Variants in LTBP1 observed in about 807,000 individuals in gnomAD.
LTBP1 encodes the protein latent transforming growth factor beta binding protein 1, also known as latent-transforming growth factor beta-binding protein 1.
A neutral mutation model predicts 207.6 loss-of-function variants in LTBP1; 129 were observed. The observed-to-expected ratio is 0.62, with a 90% CI of 0.54 to 0.72. The LOEUF (loss-of-function observed/expected upper bound fraction) is 0.72. Ranked by LOEUF, LTBP1 falls within the 30% of genes least tolerant of loss-of-function variation. LTBP1 has a pLI of 0.00. For missense variants in LTBP1, 2,281 were observed against 2,217.2 expected (o/e 1.03, Z -0.58); for synonymous variants, 963 against 833.7 (o/e 1.16, Z -2.67).
chr2:33,115,524 A>G (rs1223512317), intron 4 of LTBP1, among the ~76,000 whole-genome samples: 2 of 152,204 alleles, frequency 1.3e-5, no homozygotes, highest in South Asian at 2.1e-4. Flanking sequence ...AATTTAAAAT[A>G]ACAAATATTT....
intron 2 of LTBP1, among the ~76,000 whole-genome samples, chr2:33,009,387 G>A (rs750622564): frequency 1.3e-5 from 2 of 152,174 alleles, no homozygotes; most frequent in Admixed American, 1.3e-4. Flanking sequence ...AGCTTCTTTG[G>A]ACATAGGGTC....
At chr2:33,065,759 A>C (rs944944020) in intron 3 of LTBP1, among the ~76,000 whole-genome samples, 5 of 152,174 alleles carry the variant, frequency 3.3e-5, no homozygotes, top group African/African-American at 1.2e-4. Flanking sequence ...TACTTTGAAG[A>C]GTTTTTATAA....
At chr2:33,070,194 C>CA (rs564564155) in intron 3 of LTBP1, among the ~76,000 whole-genome samples, 2 of 152,132 alleles carry the variant, frequency 1.3e-5, no homozygotes, top group Admixed American at 1.3e-4. Flanking sequence ...CAGCTGCCCA[C>CA]AAAAAAACAA....
chr2:33,349,444 GA>G (rs373613670), intron 26 of LTBP1, among the ~76,000 whole-genome samples: 35,620 of 141,298 alleles, frequency 0.25, 4,548 homozygotes, highest in African/African-American at 0.36. Context: ...TGTCTCAAAA[GA>G]AAAAAAAAAA....
At chr2:32,976,318 G>A (rs1681774310) in intron 2 of LTBP1, among the ~76,000 whole-genome samples, 1 of 152,136 alleles carries the variant, frequency 6.6e-6, no homozygotes, top group South Asian at 2.1e-4. Context: ...CTTTCCTCAG[G>A]GCCGTGGCAG....
intron 2 of LTBP1, among the ~76,000 whole-genome samples, chr2:32,974,861 C>T (rs569740197): frequency 9.2e-5 from 14 of 152,298 alleles, no homozygotes; most frequent in African/African-American, 2.9e-4. Context: ...TTAACTGAGA[C>T]GTTTAACCCA....
intron 2 of LTBP1, among the ~76,000 whole-genome samples, chr2:32,956,997 G>A (rs1445828545): frequency 1.3e-5 from 2 of 152,116 alleles, no homozygotes; most frequent in East Asian, 1.9e-4. Context: ...TCAACAGTGG[G>A]GTTAAAACAT....
At chr2:33,123,924 T>C (rs571402514) in intron 4 of LTBP1, among the ~76,000 whole-genome samples, 1 of 152,320 alleles carries the variant, frequency 6.6e-6, no homozygotes, top group African/African-American at 2.4e-5. Context: ...ATCAATCTTA[T>C]TCATTGAAAA....
At chr2:33,079,808 C>T (rs997561099) in intron 3 of LTBP1, among the ~76,000 whole-genome samples, 2 of 152,182 alleles carry the variant, frequency 1.3e-5, no homozygotes, top group Admixed American at 6.5e-5. Context: ...TCTGTTTACA[C>T]ACTTGCAACA....
chr2:33,030,076 T>G (rs1017677741), intron 3 of LTBP1, among the ~76,000 whole-genome samples: 1 of 152,184 alleles, frequency 6.6e-6, no homozygotes, highest in Non-Finnish European at 1.5e-5. Flanking sequence ...TGCCTTTTGT[T>G]TCTTTGCCTG....
At chr2:33,065,553 G>C (rs920074920) in intron 3 of LTBP1, among the ~76,000 whole-genome samples, 2 of 150,388 alleles carry the variant, frequency 1.3e-5, no homozygotes, top group Non-Finnish European at 3.0e-5. Flanking sequence ...TTGTCACCCT[G>C]TTTCTCTACA....
chr2:33,199,929 G>T (rs2089020220), intron 7 of LTBP1, among the ~76,000 whole-genome samples: 1 of 152,226 alleles, frequency 6.6e-6, no homozygotes, highest in Non-Finnish European at 1.5e-5. Context: ...GGATGTGAAG[G>T]ACCTCTTCAA....
intron 7 of LTBP1, among the ~76,000 whole-genome samples, chr2:33,195,266 C>G (rs1449407546): frequency 6.6e-6 from 1 of 152,150 alleles, no homozygotes; most frequent in Non-Finnish European, 1.5e-5. Flanking sequence ...TGCCATAGAT[C>G]ATGATTCCTC....
intron 11 of LTBP1, among the ~76,000 whole-genome samples, chr2:33,255,042 G>C (rs898131524): frequency 6.2e-5 from 8 of 129,280 alleles, no homozygotes; most frequent in African/African-American, 8.7e-5. Flanking sequence ...TCGTCATCTA[G>C]CATTAGGTAT....
chr2:33,105,251 C>T (rs2079991013), intron 3 of LTBP1, among the ~76,000 whole-genome samples: 1 of 152,112 alleles, frequency 6.6e-6, no homozygotes. Context: ...TTTTGGTTTC[C>T]AAGTACATGT....
At chr2:33,121,904 G>A (rs1470982412) in intron 4 of LTBP1, among the ~76,000 whole-genome samples, 1 of 152,028 alleles carries the variant, frequency 6.6e-6, no homozygotes, top group Non-Finnish European at 1.5e-5. Context: ...ATATAGTTTT[G>A]TTAAGAATGA....
At chr2:33,294,131 G>A (rs187143636) in intron 20 of LTBP1, among the ~76,000 whole-genome samples, 26 of 148,108 alleles carry the variant, frequency 1.8e-4, no homozygotes, top group African/African-American at 4.5e-4. Context: ...TCAGCCTCCC[G>A]AGTAGCTGGG....
At chr2:33,010,398 T>C (rs1687511672) in intron 2 of LTBP1, among the ~76,000 whole-genome samples, 2 of 152,020 alleles carry the variant, frequency 1.3e-5, no homozygotes, top group Non-Finnish European at 2.9e-5. Context: ...TGAAGAGAAA[T>C]TGGTTAATGA....
At chr2:32,984,943 A>AC (rs1229214414) in intron 2 of LTBP1, among the ~76,000 whole-genome samples, 1 of 151,764 alleles carries the variant, frequency 6.6e-6, no homozygotes, top group Non-Finnish European at 1.5e-5. Flanking sequence ...AAAAAACAAA[A>AC]CAAAACAAAA....
Sources: allele counts gnomAD v4.1 joint callset (sites outside exome capture counted in the v4.1 genomes callset), GRCh38; gene constraint gnomAD v4.1.1; transcripts MANE v1.5; gene names NCBI Gene and HGNC (gene_info 2026-07-23, HGNC 2026-07-21).